The following KCNH8 variants were observed in gnomAD, a reference collection of about 807,000 sequenced individuals.
KCNH8 encodes the protein potassium voltage-gated channel subfamily H member 8.
Under a neutral mutation model 103.6 loss-of-function variants are expected in KCNH8, and 70 were observed. The ratio of observed to expected loss-of-function variants is 0.68; its 90% CI spans 0.56 to 0.82. The LOEUF is 0.82. KCNH8 is among the 40% of genes least tolerant of loss of function. The probability of loss-of-function intolerance (pLI) is 0.00; values close to 1 mark genes in which losing one functional copy is unlikely to be tolerated. For missense variants in KCNH8, 1,217 were observed against 1,329.9 expected (o/e 0.92, Z 1.32); for synonymous variants, 498 against 489.4 (o/e 1.02, Z -0.23).
At chr3:19,148,916 C>G in intron 1 of KCNH8, 121 bp downstream of exon 1, 4 of 891,406 alleles carry the variant, frequency 4.5e-6, no homozygotes, top group Non-Finnish European at 7.4e-6. Context: ...CTGTTCTTGC[C>G]AAGGTATCTT....
At chr3:19,519,100 C>T (rs1312215058) in intron 15 of KCNH8, among the ~76,000 whole-genome samples, 1 of 151,826 alleles carries the variant, frequency 6.6e-6, no homozygotes, top group Non-Finnish European at 1.5e-5. Flanking sequence ...ATTATTCAAC[C>T]AAGGAGCAAG....
intron 5 of KCNH8, among the ~76,000 whole-genome samples, chr3:19,349,993 A>G (rs12637568): frequency 0.26 from 38,745 of 151,798 alleles, 5,108 homozygotes; most frequent in East Asian, 0.35. Context: ...AAGCAGTTCT[A>G]GTGTGACTCC....
chr3:19,160,455 G>C (rs550649589), intron 1 of KCNH8, among the ~76,000 whole-genome samples: 2 of 152,116 alleles, frequency 1.3e-5, no homozygotes, highest in South Asian at 2.1e-4. Context: ...TCAAGATTTA[G>C]AACAACATCC....
intron 11 of KCNH8, among the ~76,000 whole-genome samples, chr3:19,472,428 G>A (rs116331558): frequency 6.6e-6 from 1 of 152,074 alleles, no homozygotes; most frequent in African/African-American, 2.4e-5. Flanking sequence ...ATGTGGGCAG[G>A]TCTTTCCTGT....
At chr3:19,340,348 T>TA (rs1444271289) in intron 3 of KCNH8, among the ~76,000 whole-genome samples, 2 of 125,396 alleles carry the variant, frequency 1.6e-5, no homozygotes, top group Non-Finnish European at 3.4e-5. Context: ...TTTTTTTATT[T>TA]TTTTTTTAAT....
At chr3:19,195,294 C>T (rs571741629) in intron 1 of KCNH8, among the ~76,000 whole-genome samples, 1 of 151,940 alleles carries the variant, frequency 6.6e-6, no homozygotes, top group Non-Finnish European at 1.5e-5. Context: ...ATTCCCCTTG[C>T]TGGTTGTCAG....
chr3:19,234,483 G>A (rs1028377177), intron 1 of KCNH8, among the ~76,000 whole-genome samples: 11 of 152,242 alleles, frequency 7.2e-5, no homozygotes, highest in African/African-American at 2.7e-4. Flanking sequence ...TGCTGGCTCA[G>A]GTGCTAAGCC....
intron 11 of KCNH8, among the ~76,000 whole-genome samples, chr3:19,483,510 G>A (rs1437398057): frequency 6.6e-6 from 1 of 152,078 alleles, no homozygotes; most frequent in African/African-American, 2.4e-5. Context: ...TGGGTCTGTA[G>A]GTACTAATTT....
At chr3:19,453,986 A>T (rs1012658666) in intron 10 of KCNH8, among the ~76,000 whole-genome samples, 4 of 152,070 alleles carry the variant, frequency 2.6e-5, no homozygotes, top group Non-Finnish European at 5.9e-5. Context: ...TTTGTCTTTC[A>T]AATTTGTGAC....
chr3:19,208,814 A>C (rs1051989066), intron 1 of KCNH8, among the ~76,000 whole-genome samples: 2 of 151,824 alleles, frequency 1.3e-5, no homozygotes, highest in African/African-American at 4.8e-5. Context: ...CCAAAGAGAA[A>C]TTTTTCCTCT....
chr3:19,184,802 T>A (rs551297657), intron 1 of KCNH8, among the ~76,000 whole-genome samples: 12 of 151,948 alleles, frequency 7.9e-5, no homozygotes, highest in Non-Finnish European at 1.6e-4. Flanking sequence ...GATGTGAAAT[T>A]ATTTTTTAGT....
chr3:19,292,214 A>T (rs1030047146), intron 3 of KCNH8, among the ~76,000 whole-genome samples: 1 of 152,166 alleles, frequency 6.6e-6, no homozygotes, highest in Non-Finnish European at 1.5e-5. Context: ...TGGCTTATTC[A>T]TTATGTGATA....
At chr3:19,373,698 G>A (rs1291451957) in intron 5 of KCNH8, among the ~76,000 whole-genome samples, 1 of 151,598 alleles carries the variant, frequency 6.6e-6, no homozygotes, top group Non-Finnish European at 1.5e-5. Context: ...TAATTGTGAT[G>A]TTAGGGTGTC....
intron 11 of KCNH8, among the ~76,000 whole-genome samples, chr3:19,477,334 G>T (rs573380559): frequency 6.6e-6 from 1 of 151,606 alleles, no homozygotes; most frequent in East Asian, 1.9e-4. Flanking sequence ...TATCAATAAA[G>T]TATAATTAAT....
chr3:19,510,621 C>G (rs895721015), intron 12 of KCNH8, among the ~76,000 whole-genome samples: 1 of 152,156 alleles, frequency 6.6e-6, no homozygotes, highest in East Asian at 1.9e-4. Flanking sequence ...TGTTATAAAG[C>G]AGTTTGTTAC....
intron 8 of KCNH8, among the ~76,000 whole-genome samples, chr3:19,439,965 G>C (rs371858761): frequency 1.3e-5 from 2 of 151,826 alleles, no homozygotes; most frequent in East Asian, 1.9e-4. Context: ...GGAGGAGAGG[G>C]AGAGAGATAA....
chr3:19,519,351 T>C (rs2068931909), intron 15 of KCNH8, among the ~76,000 whole-genome samples: 1 of 151,570 alleles, frequency 6.6e-6, no homozygotes, highest in Non-Finnish European at 1.5e-5. Context: ...TTATGAAAAA[T>C]GAAGTTCACA....
At chr3:19,219,465 C>G (rs1385250855) in intron 1 of KCNH8, among the ~76,000 whole-genome samples, 1 of 152,128 alleles carries the variant, frequency 6.6e-6, no homozygotes, top group Non-Finnish European at 1.5e-5. Context: ...TACAACTGAA[C>G]TTGAGACTTA....
intron 1 of KCNH8, among the ~76,000 whole-genome samples, chr3:19,182,050 A>T (rs1243647613): frequency 1.3e-5 from 2 of 152,190 alleles, no homozygotes; most frequent in African/African-American, 4.8e-5. Context: ...CAAACAAACA[A>T]AAAAACCAAA....
Sources: allele counts gnomAD v4.1 joint callset (sites outside exome capture counted in the v4.1 genomes callset), GRCh38; gene constraint gnomAD v4.1.1; transcripts MANE v1.5; gene names NCBI Gene and HGNC (gene_info 2026-07-23, HGNC 2026-07-21).